UNC13C: variants seen among roughly 807,000 people sequenced by gnomAD.
UNC13C encodes protein unc-13 homolog C.
Under a neutral mutation model 245.4 loss-of-function variants are expected in UNC13C, and 174 were observed. That is an observed-to-expected ratio of 0.71 (90% CI 0.63 to 0.80). The LOEUF (loss-of-function observed/expected upper bound fraction) is 0.80, where lower values mean the gene tolerates loss of function less well. Ranked by LOEUF, UNC13C falls within the 30% of genes least tolerant of loss-of-function variation. The pLI is 0.00. For missense variants in UNC13C, 2,829 were observed against 2,602.9 expected (o/e 1.09, Z -1.89); for synonymous variants, 992 against 895.1 (o/e 1.11, Z -1.93).
At chr15:54,250,465 A>G in intron 8 of UNC13C, 21 bp downstream of exon 8, 4 of 1,580,702 alleles carry the variant, frequency 2.5e-6, no homozygotes, top group Non-Finnish European at 3.4e-6. Flanking sequence ...GGTTTGGCTG[A>G]AAAAGTGGTA....
the UNC13C span, among the ~76,000 whole-genome samples, chr15:53,937,605 A>G: frequency 1.3e-5 from 2 of 152,176 alleles, no homozygotes; most frequent in Non-Finnish European, 2.9e-5. Flanking sequence ...GGTTGAAATG[A>G]AAGAAAAAAT....
At chr15:54,331,874 C>T (rs2038445422) in intron 14 of UNC13C, among the ~76,000 whole-genome samples, 169 bp from the exon 15 acceptor site, 1 of 151,998 alleles carries the variant, frequency 6.6e-6, no homozygotes, top group Non-Finnish European at 1.5e-5. Flanking sequence ...TCAAAGAGAC[C>T]TGAGTTTGAA....
intron 2 of UNC13C, among the ~76,000 whole-genome samples, chr15:54,139,431 A>G (rs969386435): frequency 6.6e-6 from 1 of 152,162 alleles, no homozygotes; most frequent in African/African-American, 2.4e-5. Flanking sequence ...GGTAGGACAC[A>G]ATTCAACCCA....
At chr15:54,615,786 C>T (rs1484540413) in intron 30 of UNC13C, among the ~76,000 whole-genome samples, 1 of 152,006 alleles carries the variant, frequency 6.6e-6, no homozygotes, top group Non-Finnish European at 1.5e-5. Context: ...ACCTACTGCC[C>T]AAGTTCTTCT....
chr15:54,056,575 G>A (rs1897536011), intron 2 of UNC13C, among the ~76,000 whole-genome samples: 1 of 152,092 alleles, frequency 6.6e-6, no homozygotes, highest in African/African-American at 2.4e-5. Flanking sequence ...ATCTAACAAG[G>A]CAGGCCAACA....
upstream of UNC13C, among the ~76,000 whole-genome samples, chr15:53,975,261 A>G (rs1288319086): frequency 1.3e-5 from 2 of 152,358 alleles, no homozygotes; most frequent in Admixed American, 1.3e-4. Context: ...TCCAAATTGC[A>G]TAAGATGGTT....
Position 54,404,201 on chromosome 15 carries a change from CTTAT to C in UNC13C, c.4848-10778_4848-10775del, listed in dbSNP as rs541409508. On this transcript the variant is annotated intron_variant, in intron 18 of 32. Transcript: ENST00000260323. Reference sequence around the variant, plus strand: ...GGCAGTTACAGAGAACCATTGCTTACTTATTTGTAATAATTAACCTACTTTTCTT... The same window carrying C: ...GGCAGTTACAGAGAACCATTGCTTACTTGTAATAATTAACCTACTTTTCTT... Among the ~76,000 whole-genome samples the C allele has an allele frequency of 6.6e-5, 10 of 152,292 alleles. No homozygotes were observed. In the South Asian group the frequency reaches 2.1e-3, roughly 32 times the overall value.
chr15:54,050,840 T>C lies in UNC13C; in HGVS notation c.2983+34954T>C, dbSNP rs190852895. On this transcript the variant is annotated intron_variant, in intron 2 of 32. Transcript: ENST00000260323. The stretch of plus-strand genomic sequence containing the variant: ...GCCTACACAGCTTACTAATTCTTGA[T>C]GCTTTGGTTCTCTTAAAAGAGATAT... 1.4e-3 allele frequency: 839 copies of C among 579,208 alleles called. 3 individuals are homozygous for C. The highest frequency in any genetic ancestry group is 1.9e-3 in the Non-Finnish European group (570 of 293,288). 35.9% of individuals were successfully genotyped at this position (579,208 alleles called of 1,614,324 possible).
chr15:54,471,059 G>C (rs1892436947), intron 19 of UNC13C, among the ~76,000 whole-genome samples: 1 of 151,138 alleles, frequency 6.6e-6, no homozygotes, highest in Non-Finnish European at 1.5e-5. Context: ...ATATAATTAT[G>C]GTTGGAAAAG....
At chr15:54,551,790 T>A (rs1896745315) in intron 28 of UNC13C, among the ~76,000 whole-genome samples, 1 of 152,008 alleles carries the variant, frequency 6.6e-6, no homozygotes, top group Admixed American at 6.6e-5. Context: ...TATCAGTCCA[T>A]TTAGTTATTA....
chr15:54,287,763 A>G (rs1490056045), intron 10 of UNC13C, among the ~76,000 whole-genome samples: 1 of 152,148 alleles, frequency 6.6e-6, no homozygotes, highest in Non-Finnish European at 1.5e-5. Flanking sequence ...AAAAAAGGGA[A>G]GGAGGGGAGT....
intron 17 of UNC13C, among the ~76,000 whole-genome samples, chr15:54,356,816 A>C (rs1023898442): frequency 6.6e-6 from 1 of 152,178 alleles, no homozygotes; most frequent in Non-Finnish European, 1.5e-5. Flanking sequence ...TGATAGATAT[A>C]AAAAATTATT....
the UNC13C span, among the ~76,000 whole-genome samples, chr15:53,897,579 T>G: frequency 2.0e-5 from 3 of 152,204 alleles, no homozygotes; most frequent in African/African-American, 7.2e-5. Flanking sequence ...GGAACCTGGC[T>G]ATACATACAT....
At chr15:54,533,208 T>A (rs1376413933) in intron 26 of UNC13C, 142 bp downstream of exon 26, 1 of 610,048 alleles carries the variant, frequency 1.6e-6, no homozygotes, top group Non-Finnish European at 2.7e-6. Context: ...GATAAATAAA[T>A]AAATTCATTA....
chr15:54,626,908 G>C lies in UNC13C; in HGVS notation c.6440G>C (p.Arg2147Pro), dbSNP rs772360503. 6.2e-7 allele frequency: 1 copy of C among 1,613,272 alleles called. No homozygotes were observed. Among genetic ancestry groups the C allele is most frequent in the Non-Finnish European group, 8.5e-7 (1 of 1,179,544 alleles). The change falls in exon 33 of 33, where the codon CGA becomes CCA. Residue 2147 changes from arginine (R) to proline (P), a missense_variant. Coordinates refer to ENST00000260323, the MANE Select transcript of UNC13C (RefSeq NM_001080534.3). ...VKDYCFARED[R>P]IIGMTVIQLQ... The stretch of plus-strand genomic sequence containing the variant: ...GATTACTGCTTTGCCAGAGAAGATC[G>C]AATTATCGGAATGACAGTCATTCAG...
the UNC13C span, among the ~76,000 whole-genome samples, chr15:53,895,345 CAAA>C: frequency 5.8e-5 from 2 of 34,266 alleles, no homozygotes; most frequent in East Asian, 1.4e-3. Flanking sequence ...GATTTCATCT[CAAA>C]AAAAAAAAAA....
chr15:54,010,923 G>C (rs753030442), intron 1 of UNC13C, among the ~76,000 whole-genome samples: 10 of 152,118 alleles, frequency 6.6e-5, no homozygotes, highest in Non-Finnish European at 1.3e-4. Context: ...CTAGGTTCTG[G>C]ATGGGGTTTA....
At chr15:53,893,356 C>G in the UNC13C span, among the ~76,000 whole-genome samples, 1 of 152,192 alleles carries the variant, frequency 6.6e-6, no homozygotes, top group Non-Finnish European at 1.5e-5. Flanking sequence ...AGGAGGCATT[C>G]TGACCCTTAA....
chr15:54,014,584 T>C lies in UNC13C; in HGVS notation c.1681T>C (p.Ser561Pro). 6.2e-7 allele frequency: 1 copy of C among 1,613,740 alleles called. No individual in the cohort carries two copies. The highest frequency in any genetic ancestry group is 2.2e-5 in the East Asian group (1 of 44,878). Residue 561 changes from serine (S) to proline (P), a missense_variant, in exon 2 of 33, where the codon TCA (serine) becomes CCA (proline). Coordinates refer to ENST00000260323, the MANE Select transcript of UNC13C (RefSeq NM_001080534.3). ...SDFSKLCQSY[S>P]EDFSENQFFT... ...TTTTTCCAAATTGTGTCAGTCTTAC[T>C]CAGAAGATTTTTCAGAAAATCAGTT...
Sources: allele counts gnomAD v4.1 joint callset (sites outside exome capture counted in the v4.1 genomes callset), GRCh38; gene constraint gnomAD v4.1.1; transcripts MANE v1.5; gene names NCBI Gene and HGNC (gene_info 2026-07-23, HGNC 2026-07-21).